The following ROBO2 variants were observed in gnomAD, a reference collection of about 807,000 sequenced individuals.
The protein encoded by ROBO2 is roundabout homolog 2.
ROBO2 carries 53 observed loss-of-function variants against 160.8 expected under a neutral mutation model. The ratio of observed to expected loss-of-function variants is 0.33; its 90% confidence interval spans 0.26 to 0.41. The LOEUF is 0.41. Among genes scored for constraint, ROBO2 ranks in the 10% least tolerant of loss-of-function variants. The pLI is 1.00. For missense variants in ROBO2, 1,577 were observed against 1,722.4 expected, an observed-to-expected ratio of 0.92 and a Z score of 1.49; for synonymous variants, 664 against 611.7, an observed-to-expected ratio of 1.09 and a Z score of -1.26.
At chr3:76,072,940 C>T (rs1346926566) in intron 2 of ROBO2, among the ~76,000 whole-genome samples, 1 of 152,192 alleles carries the variant, frequency 6.6e-6, no homozygotes, top group Non-Finnish European at 1.5e-5. Flanking sequence ...AAAGTACCTC[C>T]CAGGACAAAT....
intron 2 of ROBO2, among the ~76,000 whole-genome samples, chr3:76,194,353 A>AGTGTGT (rs1553672736): frequency 1.1e-5 from 1 of 94,532 alleles, no homozygotes; most frequent in African/African-American, 4.1e-5. Flanking sequence ...ATGGTGTGTA[A>AGTGTGT]ATATATATAT....
Position 76,965,785 on chromosome 3 carries a change from G to GTATATATATATATATATA in ROBO2, c.110-132221_110-132204dup, listed in dbSNP as rs62885160. ...CTATACCATTATTTATTGTGTTTGT[G>GTATATATATATATATATA]TATATATATATATATATATATATAT... On this transcript the variant is annotated intron_variant, in intron 2 of 26. Coordinates refer to the ROBO2 transcript ENST00000487694. Among the ~76,000 whole-genome samples the GTATATATATATATATATA allele has an allele frequency of 6.3e-3, 811 of 128,988 alleles. 9 individuals are homozygous for GTATATATATATATATATA. Among genetic ancestry groups the GTATATATATATATATATA allele is most frequent in the African/African-American group, 0.013 (409 of 31,954 alleles). 84.6% of individuals were successfully genotyped at this position (128,988 alleles called of 152,430 possible).
At chr3:76,586,833 A>T (rs1203550485) in intron 2 of ROBO2, among the ~76,000 whole-genome samples, 1 of 152,232 alleles carries the variant, frequency 6.6e-6, no homozygotes, top group Non-Finnish European at 1.5e-5. Context: ...ATATGCAAAG[A>T]TATGATCCCA....
rs186845852 is a variant in ROBO2 at position 77,521,625 on chromosome 3, A to G, written c.807-1150A>G. 1.2e-4 allele frequency among the ~76,000 whole-genome samples: 18 copies of G among 151,394 alleles called. No individual in the cohort carries two copies. In the East Asian group the frequency reaches 2.9e-3, roughly 25 times the overall value. On this transcript the variant is annotated intron_variant, in intron 5 of 25. Coordinates refer to ENST00000461745, the Ensembl canonical transcript of ROBO2. Reference sequence around the variant, plus strand: ...AGTAACCATGATAATTAAAGGATGGAAGAGTAAGGGTAGTTAAGTTTAGTT... The same window carrying G: ...AGTAACCATGATAATTAAAGGATGGGAGAGTAAGGGTAGTTAAGTTTAGTT...
intron 2 of ROBO2, among the ~76,000 whole-genome samples, chr3:76,103,220 C>A (rs577375987): frequency 6.6e-6 from 1 of 152,262 alleles, no homozygotes; most frequent in East Asian, 1.9e-4. Context: ...TTTATAGTTT[C>A]TGGGAAGCAC....
At chr3:76,074,897 C>T (rs981956614) in intron 2 of ROBO2, among the ~76,000 whole-genome samples, 12 of 151,898 alleles carry the variant, frequency 7.9e-5, no homozygotes, top group African/African-American at 2.9e-4. Context: ...TTCCTTTAAG[C>T]AACAGTTAAT....
intron 2 of ROBO2, among the ~76,000 whole-genome samples, chr3:76,448,181 G>C: frequency 6.6e-6 from 1 of 151,982 alleles, no homozygotes; most frequent in East Asian, 1.9e-4. Context: ...AGTCTTTCAA[G>C]GTGAGCCACT....
At chr3:76,068,604 T>A (rs1035510050) in intron 2 of ROBO2, among the ~76,000 whole-genome samples, 1 of 152,212 alleles carries the variant, frequency 6.6e-6, no homozygotes, top group Non-Finnish European at 1.5e-5. Flanking sequence ...ATTCTTCATA[T>A]GCAAACATGC....
chr3:77,224,720 A>G (rs973295792), intron 2 of ROBO2, among the ~76,000 whole-genome samples: 5 of 151,854 alleles, frequency 3.3e-5, no homozygotes, highest in Non-Finnish European at 5.9e-5. Flanking sequence ...TACTAGCTTG[A>G]GGTGTCTTTC....
At chr3:77,454,016 G>A (rs1053788340) in intron 2 of ROBO2, among the ~76,000 whole-genome samples, 4 of 151,758 alleles carry the variant, frequency 2.6e-5, no homozygotes, top group Middle Eastern at 6.8e-3. Flanking sequence ...CTCATTTCCC[G>A]TTAATGATTG....
chr3:77,252,239 C>T (rs186961154), intron 2 of ROBO2, among the ~76,000 whole-genome samples: 2 of 152,240 alleles, frequency 1.3e-5, no homozygotes, highest in Non-Finnish European at 2.9e-5. Context: ...ACACTTTCTT[C>T]CTCATTTTTG....
chr3:77,539,823 T>C (rs1007009929), intron 6 of ROBO2, among the ~76,000 whole-genome samples: 2 of 152,142 alleles, frequency 1.3e-5, no homozygotes, highest in East Asian at 3.9e-4. Flanking sequence ...GTACCTTAAA[T>C]TGGAAAGAAC....
intron 2 of ROBO2, among the ~76,000 whole-genome samples, chr3:76,830,243 C>T (rs1446037581): frequency 6.6e-6 from 1 of 152,090 alleles, no homozygotes; most frequent in African/African-American, 2.4e-5. Flanking sequence ...TATTCAGAAC[C>T]TCAGCCATTC....
At chr3:76,565,615 A>C (rs1252814323) in intron 2 of ROBO2, among the ~76,000 whole-genome samples, 1 of 152,232 alleles carries the variant, frequency 6.6e-6, no homozygotes, top group African/African-American at 2.4e-5. Context: ...TTGTAAACTG[A>C]AAATGAGATA....
chr3:76,948,873 T>TA, intron 2 of ROBO2, among the ~76,000 whole-genome samples: 5 of 34,368 alleles, frequency 1.5e-4, no homozygotes, highest in African/African-American at 2.5e-4. Flanking sequence ...CCCGGCTAAT[T>TA]TTATATATAT....
intron 2 of ROBO2, among the ~76,000 whole-genome samples, chr3:76,410,250 T>C (rs1175901485): frequency 6.6e-6 from 1 of 152,086 alleles, no homozygotes; most frequent in Non-Finnish European, 1.5e-5. Flanking sequence ...TTTTAGATAC[T>C]GTATTCTGTG....
chr3:77,628,857 A>G (rs1318372556), intron 23 of ROBO2, among the ~76,000 whole-genome samples: 3 of 152,144 alleles, frequency 2.0e-5, no homozygotes, highest in Non-Finnish European at 4.4e-5. Flanking sequence ...CTGTTGCCCA[A>G]TATGGCCAAG....
chr3:77,006,364 G>T (rs962333591), intron 2 of ROBO2, among the ~76,000 whole-genome samples: 1 of 148,910 alleles, frequency 6.7e-6, no homozygotes, highest in East Asian at 2.0e-4. Context: ...GTCTGATTTA[G>T]AAATCCCCTT....
chr3:76,209,325 C>T (rs1044463558), intron 2 of ROBO2, among the ~76,000 whole-genome samples: 5 of 152,092 alleles, frequency 3.3e-5, no homozygotes, highest in African/African-American at 1.2e-4. Context: ...CTCTTATTAA[C>T]TAAGGAATTG....
Sources: gnomAD v4.1 joint callset for allele counts (sites outside exome capture counted in the v4.1 genomes callset) on GRCh38, gnomAD v4.1.1 for gene constraint, MANE v1.5 for transcripts, NCBI Gene and HGNC (gene_info 2026-07-23, HGNC 2026-07-21) for gene names.